The following TMEM117 variants were observed in gnomAD, a reference collection of about 807,000 sequenced individuals.
TMEM117 encodes the protein transmembrane protein 117.
Under a neutral mutation model 52.4 loss-of-function variants are expected in TMEM117, and 27 were observed. The ratio of observed to expected loss-of-function variants is 0.51; its 90% CI spans 0.38 to 0.71. The LOEUF is 0.71. Among genes scored for constraint, TMEM117 ranks in the 30% least tolerant of loss-of-function variants. The pLI, the probability that TMEM117 is intolerant of heterozygous loss-of-function variation, is 0.00. For missense variants in TMEM117, 556 were observed against 630.5 expected (o/e 0.88, Z 1.26); for synonymous variants, 215 against 206.3 (o/e 1.04, Z -0.36).
At chr12:43,816,798 A>C in the TMEM117 span, among the ~76,000 whole-genome samples, 1 of 152,246 alleles carries the variant, frequency 6.6e-6, no homozygotes, top group African/African-American at 2.4e-5. Context: ...AGTTATTGAA[A>C]ATAAACTACC....
intron 5 of TMEM117, among the ~76,000 whole-genome samples, chr12:44,213,389 A>G (rs1029237667): frequency 6.6e-6 from 1 of 152,188 alleles, no homozygotes; most frequent in Admixed American, 6.5e-5. Flanking sequence ...AGTTCTTGGG[A>G]GCCCTCTTCC....
At chr12:44,173,518 T>C (rs1490364296) in intron 4 of TMEM117, among the ~76,000 whole-genome samples, 1 of 148,432 alleles carries the variant, frequency 6.7e-6, no homozygotes, top group East Asian at 1.9e-4. Context: ...AGTTTGGATG[T>C]GGATGGTTTT....
At chr12:44,153,617 G>A (rs1948786207) in intron 4 of TMEM117, among the ~76,000 whole-genome samples, 1 of 151,942 alleles carries the variant, frequency 6.6e-6, no homozygotes, top group South Asian at 2.1e-4. Flanking sequence ...TGGGAAAAAG[G>A]TAAAAGAATA....
intron 3 of TMEM117, among the ~76,000 whole-genome samples, chr12:44,002,072 G>A (rs1233145224): frequency 1.3e-5 from 2 of 152,026 alleles, no homozygotes; most frequent in African/African-American, 4.8e-5. Flanking sequence ...TCTGCTGAGG[G>A]GATATCCTGA....
At chr12:43,819,152 T>C in the TMEM117 span, among the ~76,000 whole-genome samples, 2 of 152,106 alleles carry the variant, frequency 1.3e-5, no homozygotes, top group South Asian at 4.1e-4. Flanking sequence ...GTTGAACCAG[T>C]TGTTTGATTG....
chr12:43,968,826 C>T (rs551466923), intron 3 of TMEM117, among the ~76,000 whole-genome samples: 6 of 152,092 alleles, frequency 3.9e-5, no homozygotes, highest in Admixed American at 2.0e-4. Context: ...AGAAAGTACC[C>T]GTATTTAAAA....
intron 6 of TMEM117, among the ~76,000 whole-genome samples, chr12:44,334,944 C>CA (rs770538263): frequency 6.6e-6 from 1 of 151,972 alleles, no homozygotes. Flanking sequence ...AAAACACAAA[C>CA]AAAAAAATCA....
intron 2 of TMEM117, among the ~76,000 whole-genome samples, chr12:43,849,967 A>G (rs1943278181): frequency 6.6e-6 from 1 of 151,946 alleles, no homozygotes; most frequent in African/African-American, 2.4e-5. Context: ...TTCATTATGG[A>G]TTTTGCTAGT....
intron 2 of TMEM117, among the ~76,000 whole-genome samples, chr12:43,888,049 G>A (rs1261983129): frequency 6.6e-6 from 1 of 152,154 alleles, no homozygotes; most frequent in Non-Finnish European, 1.5e-5. Context: ...TAAAGCAAAA[G>A]AGATTCTATA....
At chr12:44,354,134 C>A (rs1369668503) in intron 6 of TMEM117, among the ~76,000 whole-genome samples, 4 of 152,078 alleles carry the variant, frequency 2.6e-5, no homozygotes, top group Non-Finnish European at 4.4e-5. Flanking sequence ...GATTTTTGCA[C>A]ATTGATTTTG....
chr12:44,055,377 G>A (rs553868032), intron 3 of TMEM117, among the ~76,000 whole-genome samples: 9 of 152,236 alleles, frequency 5.9e-5, no homozygotes, highest in African/African-American at 2.2e-4. Flanking sequence ...AGTTACCCAG[G>A]AAATGTTCTT....
chr12:44,244,642 C>T (rs1950106573), intron 5 of TMEM117, among the ~76,000 whole-genome samples: 1 of 151,898 alleles, frequency 6.6e-6, no homozygotes, highest in Non-Finnish European at 1.5e-5. Context: ...TCTTCCATTA[C>T]ACAGATTGTT....
chr12:43,987,352 A>G (rs1030588511), intron 3 of TMEM117, among the ~76,000 whole-genome samples: 3 of 152,146 alleles, frequency 2.0e-5, no homozygotes, highest in African/African-American at 7.2e-5. Context: ...CTTATGGCAC[A>G]CTCACCAAGT....
intron 3 of TMEM117, among the ~76,000 whole-genome samples, chr12:43,981,356 T>G (rs184631527): frequency 6.6e-6 from 1 of 152,296 alleles, no homozygotes; most frequent in East Asian, 1.9e-4. Flanking sequence ...AGAGCTGTCA[T>G]GTATAATTGG....
chr12:44,251,607 G>A (rs1436534430), intron 5 of TMEM117, among the ~76,000 whole-genome samples: 1 of 152,150 alleles, frequency 6.6e-6, no homozygotes, highest in Non-Finnish European at 1.5e-5. Flanking sequence ...TTTAAAAAAA[G>A]TATATATTGG....
At chr12:44,171,658 C>A (rs1462031594) in intron 4 of TMEM117, among the ~76,000 whole-genome samples, 4 of 152,096 alleles carry the variant, frequency 2.6e-5, no homozygotes, top group African/African-American at 9.7e-5. Context: ...TCGTTTTACC[C>A]ATTCAGTGGT....
chr12:43,882,059 A>G lies in TMEM117; in HGVS notation c.277+37131A>G, dbSNP rs561638215. Among the ~76,000 whole-genome samples the G allele has an allele frequency of 3.9e-5, 6 of 152,078 alleles. No individual in the cohort carries two copies. In the South Asian group the frequency reaches 1.0e-3, roughly 26 times the overall value. On this transcript the variant is annotated intron_variant, in intron 2 of 7. Coordinates refer to ENST00000266534, the MANE Select transcript of TMEM117 (RefSeq NM_032256.3). ...TGCACTCCAGCCTGGGAGACAGAGC[A>G]AGACTCCGTCTCAAAAAAAACAAAC...
chr12:43,894,172 C>T (rs1944157762), intron 2 of TMEM117, among the ~76,000 whole-genome samples: 1 of 152,184 alleles, frequency 6.6e-6, no homozygotes, highest in African/African-American at 2.4e-5. Context: ...CATGGACATA[C>T]AGGGAGAGAA....
At chr12:43,884,797 A>G (rs1943961365) in intron 2 of TMEM117, among the ~76,000 whole-genome samples, 2 of 152,046 alleles carry the variant, frequency 1.3e-5, no homozygotes, top group African/African-American at 4.8e-5. Flanking sequence ...ATAACTCACA[A>G]TCTTCCTGCA....
Sources: gnomAD v4.1 joint callset for allele counts (sites outside exome capture counted in the v4.1 genomes callset) on GRCh38, gnomAD v4.1.1 for gene constraint, MANE v1.5 for transcripts, NCBI Gene and HGNC (gene_info 2026-07-23, HGNC 2026-07-21) for gene names.